The following TM2D3 variants were observed in gnomAD, a reference collection of about 807,000 sequenced individuals.
The protein encoded by TM2D3 is TM2 domain-containing protein 3.
Under a neutral mutation model 27.3 loss-of-function variants are expected in TM2D3, and 33 were observed. The ratio of observed to expected loss-of-function variants is 1.21; its 90% CI spans 0.92 to 1.61. TM2D3 has a LOEUF of 1.61. Ranked by LOEUF, TM2D3 falls within the 40% of genes most tolerant of loss-of-function variation. TM2D3 has a pLI of 0.00. For missense variants in TM2D3, 364 were observed against 320.8 expected (o/e 1.13, Z -1.03); for synonymous variants, 138 against 122.2 (o/e 1.13, Z -0.85).
intron 4 of TM2D3, chr15:101,634,776 G>A (rs768791044): frequency 3.9e-5 from 6 of 152,114 alleles, no homozygotes; most frequent in Non-Finnish European, 8.8e-5. Context: ...TACAAACTAA[G>A]TACAAAAATA....
chr15:101,643,931 C>T (rs138310100), intron 5 of TM2D3, among the ~76,000 whole-genome samples: 1 of 152,116 alleles, frequency 6.6e-6, no homozygotes, highest in Non-Finnish European at 1.5e-5. Context: ...CTCACTGCAG[C>T]CTCCTCCTCC....
intron 3 of TM2D3, among the ~76,000 whole-genome samples, chr15:101,647,157 A>G (rs1896835993): frequency 3.3e-5 from 5 of 152,260 alleles, no homozygotes. Flanking sequence ...TCAAAATAGC[A>G]AAGGTTATTT....
At chr15:101,638,928 A>T (rs1896608167), downstream of TM2D3, among the ~76,000 whole-genome samples, 1 of 152,164 alleles carries the variant, frequency 6.6e-6, no homozygotes, top group African/African-American at 2.4e-5. Context: ...TTACTCATTC[A>T]TCAAACTCCT....
At chr15:101,651,981 G>C (rs945433574) in intron 1 of TM2D3, 4 of 599,122 alleles carry the variant, frequency 6.7e-6, no homozygotes, top group African/African-American at 5.7e-5. Flanking sequence ...AGGGACCGAA[G>C]GATGACATCG....
intron 1 of TM2D3, chr15:101,652,051 C>T: frequency 1.8e-6 from 1 of 559,174 alleles, no homozygotes; most frequent in Non-Finnish European, 3.1e-6. Flanking sequence ...GCCAGGGCTC[C>T]GCAGCCGCGA....
chr15:101,646,979 G>A lies in TM2D3; in HGVS notation c.328-80C>T. On this transcript the variant is annotated intron_variant, in intron 3 of 5. Transcript: ENST00000333202. ...TGTCAGTAAGACTACACAGTCACAT[G>A]GCACAAAATTCCGTAAATGCTTGTA... is the stretch of plus-strand genomic sequence containing the variant. 6.0e-6 allele frequency: 9 copies of A among 1,504,548 alleles called. No individual in the cohort carries two copies. In the South Asian group the frequency reaches 9.3e-5, roughly 15 times the overall value. The allele number at this position is 1,504,548 out of a possible 1,614,324, so 93.2% of individuals were successfully genotyped here.
In TM2D3 at chr15:101,651,761, G is replaced by A. The variant is rs896538285; in HGVS notation, c.104C>T (p.Ala35Val). 6.2e-7 allele frequency: 1 copy of A among 1,614,152 alleles called. No homozygotes were observed. The highest frequency in any genetic ancestry group is 8.5e-7 in the Non-Finnish European group (1 of 1,180,004). ...CILSGGEQSQ[A>V]LAQSIKDPGP... ...CGGATCCTTTATTGACTGAGCCAGCGCCTGCGATTGCTCTAAATTTAAGGA... is the reference window on the plus strand; with the variant it reads ...CGGATCCTTTATTGACTGAGCCAGCACCTGCGATTGCTCTAAATTTAAGGA... The change falls in exon 2 of 6, where the codon GCG (alanine) becomes GTG (valine). Residue 35 changes from alanine (A) to valine (V), a missense_variant. Ala to Val is a moderately conservative substitution (Grantham distance 64). Coordinates refer to ENST00000333202, the MANE Select transcript of TM2D3 (RefSeq NM_078474.3).
rs751386921 is a variant in TM2D3, at chr15:101,651,752, T to G, written c.113A>C (p.Gln38Pro). 1 of 1,614,222 alleles carries G rather than the reference T, an allele frequency of 6.2e-7. No homozygotes were observed. Among genetic ancestry groups the G allele is most frequent in the South Asian group, 1.1e-5 (1 of 91,088 alleles). Residue 38 changes from glutamine to proline, a missense_variant, in exon 2 of 6, where the codon CAG becomes CCG. Physicochemically the swap from Gln to Pro is moderately conservative, Grantham distance 76. Coordinates refer to ENST00000333202, the MANE Select transcript of TM2D3 (RefSeq NM_078474.3). ...TGTTGGGCCCGGATCCTTTATTGAC[T>G]GAGCCAGCGCCTGCGATTGCTCTAA... ...SGGEQSQALA[Q>P]SIKDPGPTRT... is the part of the protein sequence containing the mutation.
rs3784455 is a variant in TM2D3, at chr15:101,651,489, G to C, written c.169+207C>G. The C allele has an allele frequency of 1.0e-5, 5 of 490,378 alleles. No homozygotes were observed. The East Asian group carries it at 1.3e-4, about 13-fold the overall frequency. The allele number at this position is 490,378 out of a possible 1,614,324, so 30.4% of individuals were successfully genotyped here. On this transcript the variant is annotated intron_variant, in intron 2 of 5. Coordinates refer to ENST00000333202, the MANE Select transcript of TM2D3 (RefSeq NM_078474.3). Reference sequence around the variant, plus strand: ...AAATGAGCGTGGGATTGGAAAAAGAGAGGAGGCAGAAACGTCAAAAGGTAT... The same window carrying C: ...AAATGAGCGTGGGATTGGAAAAAGACAGGAGGCAGAAACGTCAAAAGGTAT...
rs200892262 is a variant in TM2D3, at chr15:101,642,470, A to G, written c.*9T>C. The G allele has an allele frequency of 6.3e-6, 10 of 1,599,792 alleles. No individual in the cohort carries two copies. In the African/African-American group the frequency reaches 1.3e-4, roughly 21 times the overall value. ...TAAGCCCTGCTCCTTTCTGAAGCAC[A>G]CACCACAGCTAAATGTACAAAGAGC... On this transcript the variant is annotated 3_prime_UTR_variant, in exon 6 of 6. Coordinates refer to ENST00000333202, the MANE Select transcript of TM2D3 (RefSeq NM_078474.3).
chr15:101,641,030 C>G (rs1044796134), downstream of TM2D3, among the ~76,000 whole-genome samples: 1 of 152,194 alleles, frequency 6.6e-6, no homozygotes, highest in Non-Finnish European at 1.5e-5. Flanking sequence ...CATGGTTGCT[C>G]AACAGGGAAG....
rs1896685433 is a variant in TM2D3, at chr15:101,642,191, C to G, written c.*288G>C. ...GTGATGTAGTTTGACTTGGGCAATA[C>G]AAAACAAAAGTCATAGGAATTAAAT... On this transcript the variant is annotated 3_prime_UTR_variant, in exon 6 of 6. Coordinates refer to ENST00000333202, the MANE Select transcript of TM2D3 (RefSeq NM_078474.3). The G allele has an allele frequency of 9.4e-7, 1 of 1,069,228 alleles. No individual in the cohort carries two copies. The highest frequency in any genetic ancestry group is 1.7e-5 in the African/African-American group (1 of 60,144). The allele number at this position is 1,069,228 out of a possible 1,614,324, so 66.2% of individuals were successfully genotyped here. A position where few individuals can be genotyped will look rare whatever the true frequency, so the allele number is the denominator to read the frequency against.
intron 5 of TM2D3, among the ~76,000 whole-genome samples, chr15:101,644,807 G>T (rs975005538): frequency 1.3e-5 from 2 of 152,060 alleles, no homozygotes; most frequent in South Asian, 4.1e-4. Flanking sequence ...TCATAAAACT[G>T]CCTATTTTGG....
At chr15:101,636,745 C>T in intron 4 of TM2D3, 1 of 213,428 alleles carries the variant, frequency 4.7e-6, no homozygotes, top group Non-Finnish European at 1.0e-5. Context: ...AATTGCCAGA[C>T]TGTTTTCCTG....
At chr15:101,641,152 T>G (rs984664471), downstream of TM2D3, among the ~76,000 whole-genome samples, 1 of 152,220 alleles carries the variant, frequency 6.6e-6, no homozygotes, top group Non-Finnish European at 1.5e-5. Flanking sequence ...AAGAAACACC[T>G]GCTCAATCAA....
exon 5 of TM2D3, chr15:101,633,608 A>C (rs940390148): frequency 7.7e-7 from 1 of 1,300,564 alleles, no homozygotes; most frequent in Admixed American, 2.1e-5. Flanking sequence ...GCAACAACAC[A>C]GTGTAATTCA....
At chr15:101,647,465 A>G (rs1896845566) in intron 3 of TM2D3, among the ~76,000 whole-genome samples, 1 of 152,204 alleles carries the variant, frequency 6.6e-6, no homozygotes, top group African/African-American at 2.4e-5. Flanking sequence ...GGGTTGTTAC[A>G]GCTGCTCCTA....
downstream of TM2D3, among the ~76,000 whole-genome samples, chr15:101,639,957 G>A (rs1238078759): frequency 6.6e-6 from 1 of 152,104 alleles, no homozygotes; most frequent in East Asian, 1.9e-4. Flanking sequence ...CATTACTGGG[G>A]TAAATGGAAG....
intron 5 of TM2D3, among the ~76,000 whole-genome samples, chr15:101,644,607 A>G (rs915573715): frequency 3.9e-5 from 6 of 152,180 alleles, no homozygotes; most frequent in African/African-American, 1.2e-4. Context: ...GAACTGCTAT[A>G]ATTTCTTAAA....
Sources: gnomAD v4.1 joint callset for allele counts (sites outside exome capture counted in the v4.1 genomes callset) on GRCh38, gnomAD v4.1.1 for gene constraint, MANE v1.5 for transcripts, NCBI Gene and HGNC (gene_info 2026-07-23, HGNC 2026-07-21) for gene names.